The following TNPO1 variants were observed in gnomAD, a reference collection of about 807,000 sequenced individuals.
The protein encoded by TNPO1 is transportin 1.
In TNPO1, 8 loss-of-function variants were observed where a neutral mutation model predicts 119.5. The ratio of observed to expected loss-of-function variants is 0.07; its 90% confidence interval spans 0.04 to 0.12. TNPO1 has a LOEUF of 0.12. TNPO1 is among the 10% of genes least tolerant of loss of function. TNPO1 has a pLI of 1.00. For missense variants in TNPO1, 576 were observed against 1,089.8 expected (o/e 0.53, Z 6.64); for synonymous variants, 362 against 363.0 (o/e 1.00, Z 0.03).
At chr5:72,890,701 C>G (rs1395020710) in intron 14 of TNPO1, among the ~76,000 whole-genome samples, 2 of 152,064 alleles carry the variant, frequency 1.3e-5, no homozygotes, top group Admixed American at 6.6e-5. Flanking sequence ...TACATGATCA[C>G]TATGTTTAGT....
intron 11 of TNPO1, among the ~76,000 whole-genome samples, chr5:72,885,462 A>G (rs186248030): frequency 1.6e-3 from 239 of 152,322 alleles, no homozygotes; most frequent in East Asian, 0.01. Context: ...TATCCTTCCA[A>G]AAGCTTTTCT....
At chr5:72,905,837 C>T (rs1750103467) in intron 24 of TNPO1, among the ~76,000 whole-genome samples, 1 of 152,240 alleles carries the variant, frequency 6.6e-6, no homozygotes, top group African/African-American at 2.4e-5. Flanking sequence ...ATGGGGGTTG[C>T]AGTGAGCCAA....
At chr5:72,867,230 ATACT>A (rs1746975810) in intron 6 of TNPO1, among the ~76,000 whole-genome samples, 1 of 152,108 alleles carries the variant, frequency 6.6e-6, no homozygotes, top group African/African-American at 2.4e-5. Context: ...TCTGTTGTAC[ATACT>A]TTTAGCATTT....
intron 1 of TNPO1, among the ~76,000 whole-genome samples, chr5:72,841,111 C>A (rs1260122590): frequency 1.9e-5 from 2 of 106,854 alleles, no homozygotes; most frequent in Non-Finnish European, 4.3e-5. Flanking sequence ...TGGTTTTAGA[C>A]TCTCTCTCTT....
At position 72,863,094 on chromosome 5, in the gene TNPO1, GGA is replaced by G. The variant is rs1348750912; in HGVS notation, c.462+1186_462+1187del. Among the ~76,000 whole-genome samples the G allele has an allele frequency of 4.0e-5, 6 of 151,634 alleles. No individual in the cohort carries two copies. The East Asian group carries it at 7.8e-4, about 20-fold the overall frequency. ...GATCACTAGCATCCTTTTTGTTTGGGGAGAGAGGATGATTTCTCATGGTTAGT... is the reference window on the plus strand; with the variant it reads ...GATCACTAGCATCCTTTTTGTTTGGGGAGAGGATGATTTCTCATGGTTAGT... On this transcript the variant is annotated intron_variant, in intron 5 of 24. Transcript: ENST00000337273.
chr5:72,888,943 A>G (rs2112445797), intron 13 of TNPO1, among the ~76,000 whole-genome samples: 1 of 152,226 alleles, frequency 6.6e-6, no homozygotes, highest in South Asian at 2.1e-4. Flanking sequence ...ATATACCTTT[A>G]TATTTTAAAA....
chr5:72,866,611 G>A (rs1746925066), intron 6 of TNPO1, among the ~76,000 whole-genome samples: 2 of 151,954 alleles, frequency 1.3e-5, no homozygotes, highest in Admixed American at 1.3e-4. Flanking sequence ...AAAATTAGCT[G>A]GGCATGGTGT....
Position 72,912,862 on chromosome 5 carries a change from A to G in TNPO1, c.*4189A>G, listed in dbSNP as rs966090081. On this transcript the variant is annotated 3_prime_UTR_variant, in exon 25 of 25. Coordinates refer to ENST00000337273, the MANE Select transcript of TNPO1 (RefSeq NM_002270.4). ...TTCATATTGAATGTATTAACAGATA[A>G]TGGTGCAAAAGCATTCTTCCCAGGG... 1 of 152,510 alleles carries G rather than the reference A, an allele frequency of 6.6e-6. No homozygotes were observed. The highest frequency in any genetic ancestry group is 6.5e-5 in the Admixed American group (1 of 15,278). 9.4% of individuals were successfully genotyped at this position (152,510 alleles called of 1,614,324 possible).
Position 72,893,386 on chromosome 5 carries a change from G to T in TNPO1, c.1906G>T (p.Ala636Ser). 6.2e-7 allele frequency: 1 copy of T among 1,613,310 alleles called. No homozygotes were observed. The highest frequency in any genetic ancestry group is 8.5e-7 in the Non-Finnish European group (1 of 1,179,834). The change falls in exon 17 of 25, where the codon GCT (alanine) becomes TCT (serine). Residue 636 changes from alanine (A) to serine (S), a missense_variant. Ala to Ser is a moderately conservative substitution (Grantham distance 99). Around this residue, in one of 6 missense-constraint regions of TNPO1, gnomAD observed 21 missense variants for 23.9 expected, o/e 0.88. Transcript: ENST00000337273. ...TTGTGTCTAATTTCAGCTAAACAAT[G>T]CTCAACCAGATCAATATGAAGCTCC... ...KTLAQAMLNN[A>S]QPDQYEAPDK...
rs374261070 is a variant in TNPO1, at chr5:72,861,367, T to C, written c.356-441T>C. On this transcript the variant is annotated intron_variant, in intron 4 of 24. Coordinates refer to ENST00000337273, the MANE Select transcript of TNPO1 (RefSeq NM_002270.4). ...GATCTGGTTTATGTGAGGTTTTTTT[T>C]CCACAAGGTACGGAATGGTGATATG... Among the ~76,000 whole-genome samples, 16 of 152,346 alleles carry C rather than the reference T, an allele frequency of 1.1e-4. No individual in the cohort carries two copies. In the South Asian group the frequency reaches 1.7e-3, roughly 16 times the overall value.
At chr5:72,861,043 G>A (rs556524682) in intron 4 of TNPO1, among the ~76,000 whole-genome samples, 5 of 152,018 alleles carry the variant, frequency 3.3e-5, no homozygotes, top group African/African-American at 1.2e-4. Flanking sequence ...CTCCTGAGTA[G>A]CTGAGATTAC....
At chr5:72,842,014 C>G (rs1744937982) in intron 1 of TNPO1, among the ~76,000 whole-genome samples, 1 of 152,114 alleles carries the variant, frequency 6.6e-6, no homozygotes, top group African/African-American at 2.4e-5. Context: ...TACTTGCTAC[C>G]TACTTACAAC....
chr5:72,884,025 C>T (rs1443213170), intron 11 of TNPO1, among the ~76,000 whole-genome samples: 2 of 152,024 alleles, frequency 1.3e-5, no homozygotes, highest in East Asian at 3.9e-4. Context: ...GCTAGGATTA[C>T]AGGCGTAAGC....
chr5:72,831,982 C>T (rs1185031552), intron 1 of TNPO1, among the ~76,000 whole-genome samples: 7 of 151,872 alleles, frequency 4.6e-5, no homozygotes, highest in Admixed American at 4.6e-4. Context: ...ATAATAGCCC[C>T]ATCAGTTGAA....
chr5:72,891,626 T>TA (rs1250430104), intron 14 of TNPO1, among the ~76,000 whole-genome samples, 184 bp from the exon 15 acceptor site: 11 of 152,154 alleles, frequency 7.2e-5, no homozygotes. Flanking sequence ...CATGTAAGTA[T>TA]AAAGGTAGGC....
chr5:72,897,488 A>T (rs968682232), intron 20 of TNPO1, among the ~76,000 whole-genome samples: 2 of 149,862 alleles, frequency 1.3e-5, no homozygotes, highest in Non-Finnish European at 3.0e-5. Flanking sequence ...CTGGGAAGTA[A>T]TTTTTTTTTT....
At chr5:72,863,606 C>T (rs1420609726) in intron 5 of TNPO1, among the ~76,000 whole-genome samples, 2 of 151,888 alleles carry the variant, frequency 1.3e-5, no homozygotes, top group African/African-American at 4.8e-5. Flanking sequence ...TACTGAAATA[C>T]AAAAATTAGC....
intron 6 of TNPO1, among the ~76,000 whole-genome samples, chr5:72,867,594 A>G (rs900592528): frequency 8.5e-5 from 13 of 152,212 alleles, no homozygotes; most frequent in African/African-American, 3.1e-4. Context: ...ATTATTTTTA[A>G]TAACATAAGC....
chr5:72,877,431 T>C (rs1256792500), intron 9 of TNPO1, 85 bp downstream of exon 9: 1 of 720,310 alleles, frequency 1.4e-6, no homozygotes, highest in Non-Finnish European at 2.2e-6. Flanking sequence ...AAATTCATTC[T>C]TTTGCCATCA....
Sources: gnomAD v4.1 joint callset for allele counts (sites outside exome capture counted in the v4.1 genomes callset) on GRCh38, gnomAD v4.1.1 for gene constraint, gnomAD v4.1.1 regional missense constraint, MANE v1.5 for transcripts, NCBI Gene and HGNC (gene_info 2026-07-23, HGNC 2026-07-21) for gene names.